The following BRF1 variants were observed in gnomAD, a reference collection of about 807,000 sequenced individuals.
BRF1 encodes BRF1 general transcription factor IIIB subunit, also known as transcription factor IIIB 90 kDa subunit.
BRF1 carries 59 observed loss-of-function variants against 81.7 expected under a neutral mutation model. The ratio of observed to expected loss-of-function variants is 0.72; its 90% CI spans 0.59 to 0.90. The LOEUF is 0.90. Ranked by LOEUF, BRF1 falls within the 40% of genes least tolerant of loss-of-function variation. The probability of loss-of-function intolerance (pLI) is 0.00; values close to 1 mark genes in which losing one functional copy is unlikely to be tolerated. For synonymous variants in BRF1, 491 were observed against 395.6 expected, an observed-to-expected ratio of 1.24 and a Z score of -2.86; for missense variants, 1,050 against 936.3, an observed-to-expected ratio of 1.12 and a Z score of -1.58.
intron 1 of BRF1, among the ~76,000 whole-genome samples, chr14:105,294,460 G>C (rs1485653015): frequency 6.6e-6 from 1 of 152,248 alleles, no homozygotes; most frequent in Non-Finnish European, 1.5e-5. Flanking sequence ...CACTGTGCCT[G>C]CCCGGGAAAC....
Position 105,212,099 on chromosome 14 carries a change from G to A in BRF1, c.1824+14C>T, listed in dbSNP as rs376321122. ...CCCAAGGTCTCCCTGCCCTGGCTGC[G>A]TGGGACAACACACCTCTCCCGTGGC... On this transcript the variant is annotated intron_variant, in intron 16 of 17. Coordinates refer to ENST00000547530, the MANE Select transcript of BRF1 (RefSeq NM_001519.4). The A allele has an allele frequency of 2.4e-5, 39 of 1,611,900 alleles. No individual in the cohort carries two copies. Among genetic ancestry groups the A allele is most frequent in the Middle Eastern group, 1.6e-4 (1 of 6,082 alleles).
At chr14:105,221,540 C>A in intron 11 of BRF1, 108 bp downstream of exon 11, 1 of 1,458,370 alleles carries the variant, frequency 6.9e-7, no homozygotes. Flanking sequence ...CCGAGACCAC[C>A]ACACCTCCCG....
intron 5 of BRF1, among the ~76,000 whole-genome samples, chr14:105,244,956 A>AT (rs965765903): frequency 1.9e-4 from 29 of 152,284 alleles, no homozygotes; most frequent in South Asian, 1.7e-3. Context: ...GCAAAAAAAA[A>AT]AAAACTAAAA....
chr14:105,274,949 G>A (rs756314888), intron 2 of BRF1, among the ~76,000 whole-genome samples: 4 of 152,184 alleles, frequency 2.6e-5, no homozygotes, highest in Admixed American at 6.5e-5. Context: ...GAATGCTGCC[G>A]CCATGGAGAT....
chr14:105,313,294 C>G lies in BRF1; in HGVS notation c.-162+2028G>C, dbSNP rs140324261. On this transcript the variant is annotated intron_variant, in intron 1 of 17. Transcript: ENST00000327359. ...CTCCTGCCCTCCCATCACAGACAGCCTGTCCTCCTGGGGTATGGCTACCCC... is the reference window on the plus strand; with the variant it reads ...CTCCTGCCCTCCCATCACAGACAGCGTGTCCTCCTGGGGTATGGCTACCCC... Among the ~76,000 whole-genome samples the G allele has an allele frequency of 9.2e-3, 1,402 of 152,364 alleles. 9 individuals are homozygous for G. The highest frequency in any genetic ancestry group is 0.015 in the Non-Finnish European group (1,018 of 68,038).
At chr14:105,225,117 T>A (rs1301223818) in intron 10 of BRF1, among the ~76,000 whole-genome samples, 6 of 152,172 alleles carry the variant, frequency 3.9e-5, no homozygotes, top group Non-Finnish European at 8.8e-5. Context: ...CCTGGACTGT[T>A]GGCTCTGCCC....
At chr14:105,314,792 C>T in intron 1 of BRF1, 1 of 219,946 alleles carries the variant, frequency 4.5e-6, no homozygotes, top group South Asian at 1.6e-4. Context: ...CGGGGCCCGG[C>T]CCGTCCCCTC....
At position 105,266,357 on chromosome 14, in the gene BRF1, G is replaced by A. The variant is rs1595426094; in HGVS notation, c.439+6364C>T. ...GAGCCAGGGAGTTGGAGGTTGCAAC[G>A]AGCTAGGGTGGTGCCACAGTGGTAC... On this transcript the variant is annotated intron_variant, in intron 3 of 17. Coordinates refer to ENST00000547530, the MANE Select transcript of BRF1 (RefSeq NM_001519.4). Among the ~76,000 whole-genome samples, 7 of 152,252 alleles carry A rather than the reference G, an allele frequency of 4.6e-5. No homozygotes were observed. The East Asian group carries it at 1.4e-3, about 29-fold the overall frequency.
chr14:105,215,155 G>A (rs1292413104), intron 15 of BRF1, among the ~76,000 whole-genome samples: 2 of 152,196 alleles, frequency 1.3e-5, no homozygotes, highest in African/African-American at 4.8e-5. Context: ...ACACGCAGAT[G>A]TGTGTGCACA....
chr14:105,254,584 A>G (rs2816610), intron 4 of BRF1, among the ~76,000 whole-genome samples: 39,645 of 149,466 alleles, frequency 0.27, 5,393 homozygotes, highest in Middle Eastern at 0.32. Flanking sequence ...TTCTTGAGAC[A>G]GAGTTTCACT....
Position 105,217,773 on chromosome 14 carries a change from G to C in BRF1, c.1543C>G (p.Pro515Ala). 6.2e-7 allele frequency: 1 copy of C among 1,612,696 alleles called. No individual in the cohort carries two copies. The highest frequency in any genetic ancestry group is 8.5e-7 in the Non-Finnish European group (1 of 1,179,696). ...KPKKSCKRREPIQASTAREAI... is the reference protein window; with the variant it reads ...KPKKSCKRREAIQASTAREAI... The stretch of plus-strand genomic sequence containing the variant: ...TCCCTGGCGGTACTGGCCTGAATTG[G>C]CTCCCGTCGCTTGCAAGACTTCTTG... Residue 515 changes from proline to alanine, a missense_variant, in exon 15 of 18, where the codon CCA becomes GCA. Physicochemically the swap from Pro to Ala is conservative, Grantham distance 27. Around this residue, in one of 2 missense-constraint regions of BRF1, gnomAD observed 1,043 missense variants for 915.4 expected, o/e 1.14. Transcript: ENST00000547530.
Position 105,300,515 on chromosome 14 carries a change from A to G in BRF1, c.115T>C (p.Ser39Pro). The G allele has an allele frequency of 1.3e-6, 2 of 1,537,812 alleles. No homozygotes were observed. The highest frequency in any genetic ancestry group is 8.7e-7 in the Non-Finnish European group (1 of 1,144,582). ...GSVLEDNIIV[S>P]EVQFVESSGG... ...CTGCTCTCCACGAACTGCACCTCGG[A>G]CACGATGATGTTGTCCTCCAGCACT... The change falls in exon 1 of 18, where the codon TCC (serine) becomes CCC (proline). Residue 39 changes from serine (S) to proline (P), a missense_variant. Coordinates refer to ENST00000547530, the MANE Select transcript of BRF1 (RefSeq NM_001519.4).
Position 105,210,247 on chromosome 14 carries a change from C to T in BRF1, c.*304G>A, listed in dbSNP as rs2141332300. 4.5e-6 allele frequency: 2 copies of T among 439,878 alleles called. No homozygotes were observed. The highest frequency in any genetic ancestry group is 6.6e-4 in the Middle Eastern group (1 of 1,522). The allele number at this position is 439,878 out of a possible 1,614,324, so 27.2% of individuals were successfully genotyped here. ...AAGCCTGTTTCCTTAATAGTAGCAA[C>T]ACCACACTGCCAGCCTTGGAGGGTC... On this transcript the variant is annotated 3_prime_UTR_variant, in exon 18 of 18. Coordinates refer to ENST00000547530, the MANE Select transcript of BRF1 (RefSeq NM_001519.4). This position sits in a 1 kb window ranked among gnomAD's most constrained non-coding sequence, Gnocchi z 4.7.
intron 2 of BRF1, among the ~76,000 whole-genome samples, chr14:105,285,307 A>C (rs2057275556): frequency 6.6e-6 from 1 of 152,256 alleles, no homozygotes. Context: ...AACGGGCACC[A>C]GGACTGTCAT....
chr14:105,277,569 G>A lies in BRF1; in HGVS notation c.266-4675C>T, dbSNP rs1228769151. On this transcript the variant is annotated intron_variant, in intron 2 of 17. Transcript: ENST00000547530. ...CCACAGTGAGAAGGAGCTGAGAGGC[G>A]GCCCTCACTAGAGAGCTGGGGAGGA... is the stretch of plus-strand genomic sequence containing the variant. Among the ~76,000 whole-genome samples the A allele has an allele frequency of 1.3e-4, 19 of 144,760 alleles. 3 individuals are homozygous for A. The highest frequency in any genetic ancestry group is 2.2e-4 in the South Asian group (1 of 4,564). 95.0% of individuals were successfully genotyped at this position (144,760 alleles called of 152,430 possible).
At chr14:105,246,758 A>C (rs1302064970) in intron 5 of BRF1, 1 of 964,754 alleles carries the variant, frequency 1.0e-6, no homozygotes, top group Non-Finnish European at 1.2e-6. Flanking sequence ...CGCCCAACCT[A>C]CACTGTAACA....
At position 105,226,234 on chromosome 14, in the gene BRF1, G is replaced by A; in HGVS notation, c.955+17C>T. On this transcript the variant is annotated intron_variant, in intron 9 of 17. Coordinates refer to ENST00000547530, the MANE Select transcript of BRF1 (RefSeq NM_001519.4). ...CCAACAAAACAGAAGCATTACATGG[G>A]AAGATTGGTTGGTTACCTTCAACCT... 2 of 1,614,108 alleles carry A rather than the reference G, an allele frequency of 1.2e-6. No homozygotes were observed. The highest frequency in any genetic ancestry group is 1.7e-6 in the Non-Finnish European group (2 of 1,180,038).
chr14:105,300,351 G>T, intron 1 of BRF1, 95 bp downstream of exon 1: 1 of 1,301,178 alleles, frequency 7.7e-7, no homozygotes, highest in Non-Finnish European at 1.0e-6. Flanking sequence ...CAGAGCGTGC[G>T]GTACCGAGGC....
At chr14:105,213,876 C>G (rs1409470773) in intron 15 of BRF1, among the ~76,000 whole-genome samples, 1 of 152,206 alleles carries the variant, frequency 6.6e-6, no homozygotes, top group Non-Finnish European at 1.5e-5. Context: ...GGGCCTGTCT[C>G]AAGGGCTTCC....
Sources: allele counts gnomAD v4.1 joint callset (sites outside exome capture counted in the v4.1 genomes callset), GRCh38; gene constraint gnomAD v4.1.1; regional missense constraint gnomAD v4.1.1; non-coding constraint Gnocchi (gnomAD v3.1); transcripts MANE v1.5; gene names NCBI Gene and HGNC (gene_info 2026-07-23, HGNC 2026-07-21).